RABGAP1L: variants seen among roughly 807,000 people sequenced by gnomAD.
RABGAP1L encodes RAB GTPase activating protein 1 like.
A neutral mutation model predicts 137.7 loss-of-function variants in RABGAP1L; 63 were observed. That is an observed-to-expected ratio of 0.46 (90% CI 0.37 to 0.56). RABGAP1L has a LOEUF of 0.56. Among genes scored for constraint, RABGAP1L ranks in the 20% least tolerant of loss-of-function variants. RABGAP1L has a pLI of 0.00. For synonymous variants in RABGAP1L, 431 were observed against 433.7 expected (o/e 0.99, Z 0.08); for missense variants, 1,095 against 1,244.0 (o/e 0.88, Z 1.80).
intron 17 of RABGAP1L, among the ~76,000 whole-genome samples, chr1:174,732,194 T>TA (rs1553243451): frequency 9.7e-6 from 1 of 102,820 alleles, no homozygotes; most frequent in African/African-American, 5.1e-5. Flanking sequence ...TGAGACCCCA[T>TA]CCCCCCCAAA....
chr1:174,740,828 A>G (rs1335887385), intron 17 of RABGAP1L, among the ~76,000 whole-genome samples: 2 of 152,106 alleles, frequency 1.3e-5, no homozygotes, highest in African/African-American at 4.8e-5. Flanking sequence ...CATGAGGTTG[A>G]ACATTTTTTC....
intron 19 of RABGAP1L, among the ~76,000 whole-genome samples, chr1:174,909,954 A>T (rs1441325078): frequency 1.3e-5 from 2 of 152,198 alleles, no homozygotes; most frequent in Non-Finnish European, 1.5e-5. Context: ...CCTAGCTAAC[A>T]CGGTGAAACC....
intron 1 of RABGAP1L, among the ~76,000 whole-genome samples, chr1:174,173,822 T>G (rs1665607743): frequency 6.6e-6 from 1 of 152,196 alleles, no homozygotes; most frequent in Non-Finnish European, 1.5e-5. Flanking sequence ...TAAACTGATC[T>G]GGGTTTCAAG....
chr1:174,725,328 C>T (rs1363045305), intron 17 of RABGAP1L, among the ~76,000 whole-genome samples: 2 of 152,102 alleles, frequency 1.3e-5, no homozygotes, highest in Non-Finnish European at 1.5e-5. Context: ...AAGAAAAATA[C>T]CTGTCTAAGA....
chr1:174,789,351 G>T (rs2148791921), intron 18 of RABGAP1L, among the ~76,000 whole-genome samples: 1 of 152,212 alleles, frequency 6.6e-6, no homozygotes, highest in Non-Finnish European at 1.5e-5. Flanking sequence ...TGTTTTTTTA[G>T]TATGTAAAAA....
chr1:174,774,698 A>G (rs1434109188), intron 18 of RABGAP1L, among the ~76,000 whole-genome samples: 1 of 152,120 alleles, frequency 6.6e-6, no homozygotes, highest in South Asian at 2.1e-4. Flanking sequence ...TGGGCAACAT[A>G]GAGAGACCTC....
rs775505201 is a variant in RABGAP1L at position 174,957,563 on chromosome 1, G to C, written c.2433+14G>C. ...GATAGATACAAGGTATGAGAAATAT[G>C]TTGCACCTATCAAAGTACCTTCTTT... On this transcript the variant is annotated intron_variant, in intron 20 of 25. Transcript: ENST00000681986. 4 of 1,577,756 alleles carry C rather than the reference G, an allele frequency of 2.5e-6. No individual in the cohort carries two copies. In the Admixed American group the frequency reaches 6.7e-5, roughly 26 times the overall value.
At chr1:174,536,307 C>A (rs902849302) in intron 13 of RABGAP1L, among the ~76,000 whole-genome samples, 1 of 150,894 alleles carries the variant, frequency 6.6e-6, no homozygotes, top group Non-Finnish European at 1.5e-5. Context: ...AAAGTAAAAG[C>A]AATTTTAACT....
At chr1:174,951,903 C>G (rs1667763522) in intron 19 of RABGAP1L, among the ~76,000 whole-genome samples, 1 of 152,134 alleles carries the variant, frequency 6.6e-6, no homozygotes, top group African/African-American at 2.4e-5. Flanking sequence ...AAATGCAAAA[C>G]CAACTTTTCA....
At chr1:174,172,163 GAAT>G (rs1340162061) in intron 1 of RABGAP1L, among the ~76,000 whole-genome samples, 1 of 136,832 alleles carries the variant, frequency 7.3e-6, no homozygotes, top group African/African-American at 2.8e-5. Flanking sequence ...TTTTAAGGCT[GAAT>G]AATATTCCCT....
chr1:174,259,837 ATT>A (rs57110611), intron 7 of RABGAP1L, among the ~76,000 whole-genome samples: 10 of 140,404 alleles, frequency 7.1e-5, no homozygotes, highest in East Asian at 2.0e-4. Context: ...TTATTACTGC[ATT>A]TTTTTTTTTT....
intron 13 of RABGAP1L, among the ~76,000 whole-genome samples, chr1:174,534,592 C>T (rs1664733755): frequency 6.6e-6 from 1 of 151,724 alleles, no homozygotes; most frequent in Admixed American, 6.6e-5. Flanking sequence ...GCCTGGCCAA[C>T]ATGGTGAAAC....
At chr1:174,462,383 A>G (rs539756577) in intron 13 of RABGAP1L, among the ~76,000 whole-genome samples, 1 of 152,268 alleles carries the variant, frequency 6.6e-6, no homozygotes, top group Admixed American at 6.5e-5. Flanking sequence ...ATATATGTAC[A>G]ATGGTTTTTT....
chr1:174,608,145 G>C (rs555442158), intron 13 of RABGAP1L, among the ~76,000 whole-genome samples: 9 of 152,252 alleles, frequency 5.9e-5, no homozygotes, highest in African/African-American at 1.9e-4. Context: ...CCCCATCCTA[G>C]CTTTCATATG....
chr1:174,556,977 C>T (rs1170571863), intron 13 of RABGAP1L, among the ~76,000 whole-genome samples: 1 of 152,184 alleles, frequency 6.6e-6, no homozygotes, highest in Admixed American at 6.5e-5. Flanking sequence ...CATATGTCTG[C>T]AAAGGATCTT....
intron 14 of RABGAP1L, among the ~76,000 whole-genome samples, chr1:174,677,307 A>G (rs566158445): frequency 1.6e-4 from 24 of 152,300 alleles, no homozygotes; most frequent in Admixed American, 9.1e-4. Flanking sequence ...AACAAACAAG[A>G]ATCAGGGAAG....
intron 13 of RABGAP1L, among the ~76,000 whole-genome samples, chr1:174,518,055 G>A (rs1462674493): frequency 2.0e-5 from 3 of 152,070 alleles, no homozygotes; most frequent in Admixed American, 6.6e-5. Flanking sequence ...AACCATGGTC[G>A]TACATTAAAA....
chr1:174,463,851 A>G (rs1571922882), intron 13 of RABGAP1L, among the ~76,000 whole-genome samples: 1 of 152,246 alleles, frequency 6.6e-6, no homozygotes, highest in Non-Finnish European at 1.5e-5. Flanking sequence ...GGTTGCAGAG[A>G]AAAGGGAACA....
chr1:174,247,783 C>T lies in RABGAP1L; in HGVS notation c.718-2692C>T, dbSNP rs1162285509. On this transcript the variant is annotated intron_variant, in intron 5 of 25. Transcript: ENST00000681986. Reference sequence around the variant, plus strand: ...TCCCATGAGCCCTATGCAAATCAGACATCACGTCCTCCAGCCTCTGCATAT... The same window carrying T: ...TCCCATGAGCCCTATGCAAATCAGATATCACGTCCTCCAGCCTCTGCATAT... Among the ~76,000 whole-genome samples, 8 of 152,306 alleles carry T rather than the reference C, an allele frequency of 5.3e-5. No homozygotes were observed. In the South Asian group the frequency reaches 6.2e-4, roughly 12 times the overall value.
Sources: gnomAD v4.1 joint callset for allele counts (sites outside exome capture counted in the v4.1 genomes callset) on GRCh38, gnomAD v4.1.1 for gene constraint, MANE v1.5 for transcripts, NCBI Gene and HGNC (gene_info 2026-07-23, HGNC 2026-07-21) for gene names.